EPB41L4B: variants seen among roughly 807,000 people sequenced by gnomAD.
EPB41L4B encodes band 4.1-like protein 4B.
EPB41L4B carries 30 observed loss-of-function variants against 112.5 expected under a neutral mutation model. The ratio of observed to expected loss-of-function variants is 0.27; its 90% CI spans 0.20 to 0.36. EPB41L4B has a LOEUF of 0.36. Ranked by LOEUF, EPB41L4B falls within the 10% of genes least tolerant of loss-of-function variation. The pLI is 1.00. For missense variants in EPB41L4B, 1,024 were observed against 1,133.3 expected (o/e 0.90, Z 1.38); for synonymous variants, 408 against 439.7 (o/e 0.93, Z 0.90).
chr9:109,203,806 T>C (rs1234578586), intron 18 of EPB41L4B, 76 bp from the exon 19 acceptor site: 5 of 1,215,798 alleles, frequency 4.1e-6, no homozygotes, highest in Non-Finnish European at 6.1e-6. Context: ...TCTCTTACAT[T>C]CAAAAGATTA....
intron 19 of EPB41L4B, among the ~76,000 whole-genome samples, chr9:109,203,265 G>C (rs1456220327): frequency 1.3e-5 from 2 of 152,206 alleles, no homozygotes; most frequent in Non-Finnish European, 2.9e-5. Context: ...GCTGGCCCAA[G>C]TCCAAGCTGG....
Position 109,280,059 on chromosome 9 carries a change from G to C in EPB41L4B, c.307-138C>G, listed in dbSNP as rs1267120132. 24 of 607,754 alleles carry C rather than the reference G, an allele frequency of 3.9e-5. No homozygotes were observed. In the Admixed American group the frequency reaches 7.4e-4, roughly 19 times the overall value. 37.6% of individuals were successfully genotyped at this position (607,754 alleles called of 1,614,324 possible). ...AAATTTTTAAATTTGTAATTAGTTT[G>C]ATTATAAGGGTAATACAAACTCATG... On this transcript the variant is annotated intron_variant, in intron 1 of 25. Coordinates refer to ENST00000374566, the MANE Select transcript of EPB41L4B (RefSeq NM_019114.5).
At chr9:109,301,530 C>A (rs1301454251) in intron 1 of EPB41L4B, among the ~76,000 whole-genome samples, 1 of 152,188 alleles carries the variant, frequency 6.6e-6, no homozygotes, top group African/African-American at 2.4e-5. Flanking sequence ...CTTCCCTACC[C>A]CCGAGGCAAC....
intron 1 of EPB41L4B, among the ~76,000 whole-genome samples, chr9:109,298,312 G>GTTT (rs1836817251): frequency 1.8e-5 from 1 of 56,466 alleles, no homozygotes. Context: ...AATCATATAT[G>GTTT]CTTTTTTTTT....
chr9:109,208,772 C>G (rs745995326), intron 17 of EPB41L4B, among the ~76,000 whole-genome samples: 1 of 152,146 alleles, frequency 6.6e-6, no homozygotes, highest in Non-Finnish European at 1.5e-5. Flanking sequence ...AAAAAGTACT[C>G]ATCCATGTGT....
chr9:109,255,621 G>C lies in EPB41L4B; in HGVS notation c.1059C>G (p.His353Gln). ...FRLDSARTCK[H>Q]LWKCAVEHHA... is the part of the protein sequence containing the mutation. The stretch of plus-strand genomic sequence containing the variant: ...GGTGCTCAACTGCACACTTCCAAAG[G>C]TGTTTGCAGGTCCTGGCACTGTCTA... The change falls in exon 11 of 26, where the codon CAC becomes CAG. Residue 353 changes from histidine to glutamine, a missense_variant. Coordinates refer to ENST00000374566, the MANE Select transcript of EPB41L4B (RefSeq NM_019114.5). 1 of 1,614,142 alleles carries C rather than the reference G, an allele frequency of 6.2e-7. No individual in the cohort carries two copies. The highest frequency in any genetic ancestry group is 8.5e-7 in the Non-Finnish European group (1 of 1,180,026).
In EPB41L4B at chr9:109,246,374, G is replaced by A. The variant is rs183542640; in HGVS notation, c.1344+1382C>T. On this transcript the variant is annotated intron_variant, in intron 14 of 25. Coordinates refer to ENST00000374566, the MANE Select transcript of EPB41L4B (RefSeq NM_019114.5). ...GGGGTCTCACTATGTTGCCCAGACC[G>A]GTCTTGAATTCTTGGGCTCAAGTGA... is the stretch of plus-strand genomic sequence containing the variant. Among the ~76,000 whole-genome samples the A allele has an allele frequency of 1.7e-4, 26 of 152,290 alleles. 1 individual carries two copies. Among genetic ancestry groups the A allele is most frequent in the Non-Finnish European group, 2.2e-4 (15 of 68,026 alleles).
intron 20 of EPB41L4B, among the ~76,000 whole-genome samples, chr9:109,198,365 C>A (rs898827715): frequency 6.6e-6 from 1 of 152,174 alleles, no homozygotes; most frequent in Admixed American, 6.5e-5. Flanking sequence ...CCCACATTCT[C>A]TCATGTTAAG....
Position 109,217,048 on chromosome 9 carries a change from T to C in EPB41L4B, c.1507A>G (p.Arg503Gly), listed in dbSNP as rs1833398400. The C allele has an allele frequency of 6.2e-7, 1 of 1,614,204 alleles. No individual in the cohort carries two copies. The highest frequency in any genetic ancestry group is 8.5e-7 in the Non-Finnish European group (1 of 1,180,042). ...GTPFLTAASG[R>G]HHHQHQHQHQ... The stretch of plus-strand genomic sequence containing the variant: ...TGATGCTGGTGCTGGTGGTGATGCC[T>C]TCCTGAAGCTGCGGTGAGGAACGGT... The change falls in exon 16 of 26, where the codon AGG (arginine) becomes GGG (glycine). Residue 503 changes from arginine (R) to glycine (G), a missense_variant. By Grantham distance (125) the Arg-to-Gly change is moderately radical. Coordinates refer to ENST00000374566, the MANE Select transcript of EPB41L4B (RefSeq NM_019114.5).
intron 2 of EPB41L4B, among the ~76,000 whole-genome samples, chr9:109,276,192 CACACACACACAA>C (rs1277491133): frequency 6.8e-4 from 36 of 53,294 alleles, no homozygotes; most frequent in African/African-American, 2.5e-3. Context: ...CACACACACA[CACACACACACAA>C]ATAACAAACC....
chr9:109,176,126 G>A (rs1033959531), intron 25 of EPB41L4B, among the ~76,000 whole-genome samples: 1 of 148,936 alleles, frequency 6.7e-6, no homozygotes, highest in Non-Finnish European at 1.5e-5. Flanking sequence ...GCCTACCCTT[G>A]TAAACATTTT....
At chr9:109,180,357 C>G (rs561287108) in intron 24 of EPB41L4B, among the ~76,000 whole-genome samples, 1 of 152,196 alleles carries the variant, frequency 6.6e-6, no homozygotes, top group Non-Finnish European at 1.5e-5. Flanking sequence ...GGGCAGAAGG[C>G]CAGAGTGCCC....
chr9:109,207,563 CAAGA>C (rs1185552133), intron 18 of EPB41L4B, among the ~76,000 whole-genome samples: 3 of 150,934 alleles, frequency 2.0e-5, no homozygotes, highest in Non-Finnish European at 3.0e-5. Flanking sequence ...CAGAGTGAGA[CAAGA>C]AAGAAAGAAA....
At chr9:109,309,982 G>T (rs909288094) in intron 1 of EPB41L4B, among the ~76,000 whole-genome samples, 1 of 152,122 alleles carries the variant, frequency 6.6e-6, no homozygotes, top group Non-Finnish European at 1.5e-5. Context: ...TGATTATAAA[G>T]GGCCCCGCCC....
At chr9:109,244,320 G>A (rs1276844333) in intron 14 of EPB41L4B, among the ~76,000 whole-genome samples, 2 of 149,936 alleles carry the variant, frequency 1.3e-5, no homozygotes, top group Non-Finnish European at 3.0e-5. Flanking sequence ...AGTTTGAGAA[G>A]AAGGGATGAG....
At chr9:109,209,527 G>A (rs1234974548) in intron 17 of EPB41L4B, among the ~76,000 whole-genome samples, 5 of 151,742 alleles carry the variant, frequency 3.3e-5, no homozygotes, top group South Asian at 2.1e-4. Flanking sequence ...AGGGCGTGGT[G>A]GCCCTCACCT....
chr9:109,212,879 T>C (rs554765325), intron 17 of EPB41L4B, among the ~76,000 whole-genome samples: 2 of 152,248 alleles, frequency 1.3e-5, no homozygotes, highest in African/African-American at 4.8e-5. Flanking sequence ...TGCAAAACAT[T>C]TTACAATGCA....
At chr9:109,285,312 T>C (rs1836230156) in intron 1 of EPB41L4B, among the ~76,000 whole-genome samples, 1 of 152,190 alleles carries the variant, frequency 6.6e-6, no homozygotes, top group Non-Finnish European at 1.5e-5. Flanking sequence ...TGGCTCTTAG[T>C]GTAGAAGGGG....
At chr9:109,201,664 G>T (rs926924618) in intron 19 of EPB41L4B, among the ~76,000 whole-genome samples, 1 of 152,100 alleles carries the variant, frequency 6.6e-6, no homozygotes, top group East Asian at 1.9e-4. Context: ...ACGTGGAGGA[G>T]TTTCCTCTTT....
Sources: gnomAD v4.1 joint callset for allele counts (sites outside exome capture counted in the v4.1 genomes callset) on GRCh38, gnomAD v4.1.1 for gene constraint, MANE v1.5 for transcripts, NCBI Gene and HGNC (gene_info 2026-07-23, HGNC 2026-07-21) for gene names.